Variants in USH2A observed in about 807,000 individuals in gnomAD.
The protein encoded by USH2A is Usher syndrome 2A (autosomal recessive, mild).
A neutral mutation model predicts 538.9 loss-of-function variants in USH2A; 443 were observed. The observed-to-expected ratio is 0.82, with a 90% CI of 0.76 to 0.89. The LOEUF is 0.89. Ranked by LOEUF, USH2A falls within the 40% of genes least tolerant of loss-of-function variation. The pLI is 0.00. For synonymous variants in USH2A, 2,413 were observed against 2,273.5 expected, an observed-to-expected ratio of 1.06 and a Z score of -1.75; for missense variants, 6,633 against 6,324.8, an observed-to-expected ratio of 1.05 and a Z score of -1.65.
chr1:215,950,211 T>A (rs1039739206), intron 37 of USH2A, among the ~76,000 whole-genome samples: 4 of 152,166 alleles, frequency 2.6e-5, no homozygotes, highest in Non-Finnish European at 4.4e-5. Context: ...CAATAAATAT[T>A]CTTTCAAATA....
chr1:216,119,233 C>A (rs2033075825), intron 21 of USH2A, among the ~76,000 whole-genome samples: 1 of 152,124 alleles, frequency 6.6e-6, no homozygotes, highest in Non-Finnish European at 1.5e-5. Context: ...TGGTAATGGT[C>A]TGATTAAACA....
In USH2A at chr1:216,190,242, T is replaced by C. The variant is rs139709410; in HGVS notation, c.4377A>G (p.Ala1459=). ...SVGCVTSASG[A]GQTLAAAPAQ... ...GCTTACCTGCTGCTAAAGTTTGTCC[T>C]GCTCCCGAAGCACTGGTCACACAAC... Residue 1459 remains alanine (A), a synonymous_variant, in exon 20 of 72, where the codon GCA becomes GCG. Transcript: ENST00000307340. The C allele has an allele frequency of 1.3e-5, 21 of 1,612,346 alleles. No homozygotes were observed. The highest frequency in any genetic ancestry group is 1.6e-4 in the Middle Eastern group (1 of 6,068).
chr1:216,306,538 A>G (rs1425901774), intron 9 of USH2A, among the ~76,000 whole-genome samples: 1 of 152,134 alleles, frequency 6.6e-6, no homozygotes, highest in East Asian at 1.9e-4. Context: ...GTTTAGATCC[A>G]TTGCTGGTAA....
chr1:215,640,496 CAT>C, intron 68 of USH2A, 60 bp downstream of exon 68: 1 of 1,600,818 alleles, frequency 6.2e-7, no homozygotes, highest in Non-Finnish European at 8.5e-7. Flanking sequence ...TCAGATTTAG[CAT>C]CCCGTAAAGC....
At chr1:215,684,975 C>T (rs1463767418) in intron 61 of USH2A, among the ~76,000 whole-genome samples, 1 of 152,012 alleles carries the variant, frequency 6.6e-6, no homozygotes, top group Non-Finnish European at 1.5e-5. Flanking sequence ...CTGCCGAGAT[C>T]CTTTATCATT....
chr1:216,147,314 A>T (rs1045680756), intron 21 of USH2A, among the ~76,000 whole-genome samples: 1 of 148,070 alleles, frequency 6.8e-6, no homozygotes, highest in African/African-American at 2.6e-5. Flanking sequence ...CCCTCCTCAC[A>T]CCTGGTCCGG....
chr1:216,244,214 G>C (rs1480718710), intron 13 of USH2A, among the ~76,000 whole-genome samples: 1 of 152,114 alleles, frequency 6.6e-6, no homozygotes, highest in Non-Finnish European at 1.5e-5. Flanking sequence ...CAAAGCATCA[G>C]GTAGATTGAA....
chr1:215,690,157 T>C (rs746316729), intron 61 of USH2A, among the ~76,000 whole-genome samples: 2 of 152,204 alleles, frequency 1.3e-5, no homozygotes, highest in African/African-American at 4.8e-5. Flanking sequence ...CTGACTCTTC[T>C]TTCCAGCTGC....
At chr1:215,855,207 A>G (rs1010133394) in intron 44 of USH2A, among the ~76,000 whole-genome samples, 3 of 152,178 alleles carry the variant, frequency 2.0e-5, no homozygotes, top group Admixed American at 2.0e-4. Flanking sequence ...TTCTGATGAC[A>G]TGATTGTGTA....
chr1:215,958,894 AC>A (rs1438496482), intron 37 of USH2A, among the ~76,000 whole-genome samples: 4 of 152,054 alleles, frequency 2.6e-5, no homozygotes, highest in African/African-American at 9.7e-5. Flanking sequence ...TGTTGGAAAA[AC>A]ATATGCAGCC....
Position 215,674,411 on chromosome 1 carries a change from G to A in USH2A, c.13500C>T (p.Thr4500=), listed in dbSNP as rs1657927837. The A allele has an allele frequency of 4.3e-6, 7 of 1,614,066 alleles. No homozygotes were observed. The highest frequency in any genetic ancestry group is 5.9e-6 in the Non-Finnish European group (7 of 1,180,002). ...CTGTGTAGCTATACTCCACACCTGGGGTGAGAGTAAAATCACGATAGCGTG... is the reference window on the plus strand; with the variant it reads ...CTGTGTAGCTATACTCCACACCTGGAGTGAGAGTAAAATCACGATAGCGTG... ...LETRYRDFTL[T]PGVEYSYTVT... The change falls in exon 63 of 72, where the codon ACC becomes ACT. Residue 4500 remains threonine (T), a synonymous_variant. Transcript: ENST00000307340.
chr1:215,897,338 G>A (rs999099932), intron 40 of USH2A, among the ~76,000 whole-genome samples: 7 of 152,146 alleles, frequency 4.6e-5, no homozygotes, highest in South Asian at 2.1e-4. Flanking sequence ...ATGTGGGCAC[G>A]AGGCGACTTC....
At chr1:215,831,033 A>G (rs12409223) in intron 47 of USH2A, among the ~76,000 whole-genome samples, 5,196 of 152,290 alleles carry the variant, frequency 0.034, 100 homozygotes, top group African/African-American at 0.05. Context: ...ATCACCCAGA[A>G]TTACACTAAG....
At chr1:216,103,942 T>C (rs953090331) in intron 21 of USH2A, among the ~76,000 whole-genome samples, 3 of 152,206 alleles carry the variant, frequency 2.0e-5, no homozygotes, top group Non-Finnish European at 2.9e-5. Context: ...CTCTCATACA[T>C]GCTAATGTAA....
intron 32 of USH2A, among the ~76,000 whole-genome samples, chr1:216,012,817 T>A (rs1176007142): frequency 6.6e-6 from 1 of 152,206 alleles, no homozygotes; most frequent in African/African-American, 2.4e-5. Flanking sequence ...AGCTCCTGTA[T>A]AGACGCTCCT....
intron 69 of USH2A, among the ~76,000 whole-genome samples, chr1:215,637,786 T>A (rs1030855993): frequency 1.3e-5 from 2 of 152,198 alleles, no homozygotes; most frequent in Non-Finnish European, 2.9e-5. Flanking sequence ...AAAAAAATTT[T>A]TTTTTTAAAT....
chr1:216,195,494 C>T (rs988126973), intron 19 of USH2A, among the ~76,000 whole-genome samples: 4 of 152,024 alleles, frequency 2.6e-5, no homozygotes, highest in Non-Finnish European at 4.4e-5. Flanking sequence ...AACAGCAGAG[C>T]GAAGAAATCC....
chr1:216,168,128 A>C (rs959297440), intron 21 of USH2A, among the ~76,000 whole-genome samples: 2 of 152,192 alleles, frequency 1.3e-5, no homozygotes, highest in African/African-American at 4.8e-5. Flanking sequence ...AAAATCAATC[A>C]TCTTCAAAGG....
chr1:216,152,987 A>G (rs1021534916), intron 21 of USH2A, among the ~76,000 whole-genome samples: 1 of 152,150 alleles, frequency 6.6e-6, no homozygotes, highest in Non-Finnish European at 1.5e-5. Context: ...GAGCATCTGA[A>G]CATTGAGAGG....
Sources: allele counts gnomAD v4.1 joint callset (sites outside exome capture counted in the v4.1 genomes callset), GRCh38; gene constraint gnomAD v4.1.1; transcripts MANE v1.5; gene names NCBI Gene and HGNC (gene_info 2026-07-23, HGNC 2026-07-21).